COL24A1: variants seen among roughly 807,000 people sequenced by gnomAD.
COL24A1 encodes the protein collagen type XXIV alpha 1 chain, also known as collagen alpha-1(XXIV) chain.
A neutral mutation model predicts 253.9 loss-of-function variants in COL24A1; 224 were observed. That is an observed-to-expected ratio of 0.88 (90% CI 0.79 to 0.99). The LOEUF (loss-of-function observed/expected upper bound fraction) is 0.99. COL24A1 is among the 50% of genes least tolerant of loss of function. The probability of loss-of-function intolerance (pLI) is 0.00; values close to 1 mark genes in which losing one functional copy is unlikely to be tolerated. For missense variants in COL24A1, 2,131 were observed against 2,068.5 expected, an observed-to-expected ratio of 1.03 and a Z score of -0.59; for synonymous variants, 685 against 673.7, an observed-to-expected ratio of 1.02 and a Z score of -0.26.
chr1:85,956,196 A>G (rs1690451122), intron 24 of COL24A1, among the ~76,000 whole-genome samples: 1 of 152,196 alleles, frequency 6.6e-6, no homozygotes, highest in Non-Finnish European at 1.5e-5. Flanking sequence ...CAATATGAAA[A>G]CTTATTTCAT....
At chr1:85,778,913 A>G (rs1455494323) in intron 52 of COL24A1, among the ~76,000 whole-genome samples, 2 of 152,080 alleles carry the variant, frequency 1.3e-5, no homozygotes, top group Non-Finnish European at 2.9e-5. Flanking sequence ...CTCTTCTAAG[A>G]TTTTTATTGT....
intron 31 of COL24A1, among the ~76,000 whole-genome samples, chr1:85,894,527 T>C (rs941732414): frequency 6.5e-5 from 8 of 122,874 alleles, no homozygotes; most frequent in Non-Finnish European, 1.2e-4. Flanking sequence ...GAATAAGTAA[T>C]TTTATTTCTC....
At chr1:86,006,925 A>G (rs1696015323) in intron 19 of COL24A1, among the ~76,000 whole-genome samples, 1 of 152,100 alleles carries the variant, frequency 6.6e-6, no homozygotes, top group African/African-American at 2.4e-5. Flanking sequence ...TAAAACAACA[A>G]TGTGGGCTGG....
At chr1:85,782,215 T>C (rs1669217030) in intron 51 of COL24A1, among the ~76,000 whole-genome samples, 1 of 152,184 alleles carries the variant, frequency 6.6e-6, no homozygotes, top group Non-Finnish European at 1.5e-5. Context: ...GCCTTCCAAG[T>C]AGCTGGGATT....
chr1:86,141,753 T>G (rs1025078044), intron 2 of COL24A1, among the ~76,000 whole-genome samples: 2 of 150,780 alleles, frequency 1.3e-5, no homozygotes, highest in Admixed American at 6.7e-5. Flanking sequence ...CAGGCTGGAG[T>G]GCACTGGCAC....
chr1:85,748,272 CTA>C (rs972979255), intron 55 of COL24A1, among the ~76,000 whole-genome samples: 3 of 152,204 alleles, frequency 2.0e-5, no homozygotes, highest in Non-Finnish European at 4.4e-5. Flanking sequence ...AAATGGTACT[CTA>C]TGATAAAACT....
chr1:86,058,657 T>C (rs1361574974), intron 9 of COL24A1, among the ~76,000 whole-genome samples: 1 of 151,872 alleles, frequency 6.6e-6, no homozygotes, highest in Non-Finnish European at 1.5e-5. Flanking sequence ...TTAAAATGAT[T>C]AGAATGCATT....
At chr1:85,892,812 A>G (rs2102769042) in intron 31 of COL24A1, among the ~76,000 whole-genome samples, 1 of 152,200 alleles carries the variant, frequency 6.6e-6, no homozygotes, top group South Asian at 2.1e-4. Context: ...CTTCACAATA[A>G]AAGTTTGCTG....
At chr1:85,770,006 T>C (rs892047137) in intron 53 of COL24A1, among the ~76,000 whole-genome samples, 5 of 152,130 alleles carry the variant, frequency 3.3e-5, no homozygotes, top group Non-Finnish European at 7.3e-5. Flanking sequence ...GAGAGGATAC[T>C]GGGGAGGCAT....
chr1:85,919,923 C>T (rs1486421150), intron 24 of COL24A1, among the ~76,000 whole-genome samples: 1 of 152,128 alleles, frequency 6.6e-6, no homozygotes, highest in Non-Finnish European at 1.5e-5. Context: ...AAATCTAACT[C>T]AATTAGTTTA....
chr1:85,975,469 G>A (rs1362273478), intron 20 of COL24A1, among the ~76,000 whole-genome samples: 7 of 152,084 alleles, frequency 4.6e-5, no homozygotes, highest in African/African-American at 1.7e-4. Flanking sequence ...CCACAACAAG[G>A]CTAGAATGGG....
chr1:86,018,759 A>G (rs1697225334), intron 18 of COL24A1, among the ~76,000 whole-genome samples: 1 of 152,198 alleles, frequency 6.6e-6, no homozygotes, highest in Non-Finnish European at 1.5e-5. Context: ...ACCTCTACAA[A>G]TGACAAAAAT....
chr1:86,042,863 C>A (rs1377790342), intron 12 of COL24A1, among the ~76,000 whole-genome samples: 1 of 152,102 alleles, frequency 6.6e-6, no homozygotes, highest in Non-Finnish European at 1.5e-5. Context: ...CATTTCTGTG[C>A]TATATGTATA....
intron 1 of COL24A1, among the ~76,000 whole-genome samples, chr1:86,147,137 C>T (rs977501495): frequency 1.4e-4 from 21 of 152,032 alleles, no homozygotes; most frequent in African/African-American, 5.1e-4. Context: ...ACCATTAATT[C>T]CCTTTTATTA....
chr1:85,763,547 A>C (rs1389377858), intron 53 of COL24A1, among the ~76,000 whole-genome samples: 1 of 135,212 alleles, frequency 7.4e-6, no homozygotes, highest in South Asian at 2.4e-4. Context: ...GCTGGAGTGC[A>C]GTGGTGCGAT....
At chr1:86,054,342 A>T (rs1012401516) in intron 10 of COL24A1, among the ~76,000 whole-genome samples, 1 of 152,196 alleles carries the variant, frequency 6.6e-6, no homozygotes, top group Admixed American at 6.6e-5. Flanking sequence ...AGAAACCATC[A>T]ACAGAGTAAA....
chr1:85,780,212 TG>T (rs928052925), intron 52 of COL24A1, among the ~76,000 whole-genome samples: 9 of 151,830 alleles, frequency 5.9e-5, no homozygotes, highest in African/African-American at 9.7e-5. Flanking sequence ...GTAACTTTGG[TG>T]GTTTCTTCTC....
intron 2 of COL24A1, among the ~76,000 whole-genome samples, chr1:86,140,519 A>G (rs1409223304): frequency 6.6e-6 from 1 of 152,242 alleles, no homozygotes; most frequent in Non-Finnish European, 1.5e-5. Context: ...TGCAGCTACA[A>G]TGAACTGCTT....
At chr1:85,736,006 C>A in intron 58 of COL24A1, 1 of 202,848 alleles carries the variant, frequency 4.9e-6, no homozygotes, top group Non-Finnish European at 1.0e-5. Context: ...AATTCAATTC[C>A]TTCATTTTAC....
Sources: gnomAD v4.1 joint callset for allele counts (sites outside exome capture counted in the v4.1 genomes callset) on GRCh38, gnomAD v4.1.1 for gene constraint, MANE v1.5 for transcripts, NCBI Gene and HGNC (gene_info 2026-07-23, HGNC 2026-07-21) for gene names.